Variants in PER3 observed in about 807,000 individuals in gnomAD.
PER3 encodes period circadian regulator 3.
In PER3, 107 loss-of-function variants were observed where a neutral mutation model predicts 127.2. The observed-to-expected ratio is 0.84, with a 90% CI of 0.72 to 0.99. PER3 has a LOEUF of 0.99. Among genes scored for constraint, PER3 ranks in the 50% least tolerant of loss-of-function variants. PER3 has a pLI of 0.00. For synonymous variants in PER3, 618 were observed against 585.8 expected, an observed-to-expected ratio of 1.05 and a Z score of -0.79; for missense variants, 1,560 against 1,525.8, an observed-to-expected ratio of 1.02 and a Z score of -0.37.
intron 14 of PER3, among the ~76,000 whole-genome samples, chr1:7,819,863 T>C (rs769252765): frequency 6.6e-6 from 1 of 152,050 alleles, no homozygotes; most frequent in Non-Finnish European, 1.5e-5. Context: ...AAGACAATTA[T>C]TCTTCTTCCA....
At chr1:7,827,890 C>G (rs2097310568) in intron 18 of PER3, 75 bp downstream of exon 18, 6 of 1,160,160 alleles carry the variant, frequency 5.2e-6, no homozygotes, top group Admixed American at 2.1e-5. Flanking sequence ...TGCGTTGGGA[C>G]TCAGTGCTGA....
intron 3 of PER3, among the ~76,000 whole-genome samples, chr1:7,786,326 A>G (rs2097090556): frequency 6.6e-6 from 1 of 152,232 alleles, no homozygotes; most frequent in Non-Finnish European, 1.5e-5. Flanking sequence ...GAACCATTGT[A>G]AACACTTTTT....
At chr1:7,838,712 C>T (rs1423756045) in intron 21 of PER3, among the ~76,000 whole-genome samples, 2 of 152,204 alleles carry the variant, frequency 1.3e-5, no homozygotes, top group Non-Finnish European at 2.9e-5. Flanking sequence ...CTCTGCACAC[C>T]TCATATGAGT....
intron 5 of PER3, among the ~76,000 whole-genome samples, chr1:7,793,213 G>A (rs547151236): frequency 9.9e-5 from 15 of 152,138 alleles, no homozygotes; most frequent in Non-Finnish European, 1.8e-4. Flanking sequence ...AGATATTCAG[G>A]AAGCTCTAAT....
intron 13 of PER3, among the ~76,000 whole-genome samples, chr1:7,811,094 G>A (rs1429410009): frequency 6.6e-6 from 1 of 152,158 alleles, no homozygotes; most frequent in Non-Finnish European, 1.5e-5. Flanking sequence ...AGTAAAACTG[G>A]CATCATATTG....
intron 6 of PER3, among the ~76,000 whole-genome samples, chr1:7,794,667 A>G (rs2097137053): frequency 6.6e-6 from 1 of 152,024 alleles, no homozygotes; most frequent in South Asian, 2.1e-4. Flanking sequence ...TAATTTTTGA[A>G]ATTTTTAATA....
At position 7,829,826 on chromosome 1, in the gene PER3, C is replaced by A. The variant is rs373502305; in HGVS notation, c.2887-8C>A. ...TAAAGTGTCTTTTCATGTGCCCTTA[C>A]TTTCTAGCAGTGTGTTACAGGCAAC... On this transcript the variant is annotated splice_region_variant and splice_polypyrimidine_tract_variant and intron_variant, in intron 18 of 21. Transcript: ENST00000377532. 39 of 1,605,784 alleles carry A rather than the reference C, an allele frequency of 2.4e-5. No homozygotes were observed. The highest frequency in any genetic ancestry group is 3.1e-5 in the Non-Finnish European group (36 of 1,172,836).
chr1:7,834,603 G>A (rs982934551), intron 19 of PER3, among the ~76,000 whole-genome samples: 5 of 152,014 alleles, frequency 3.3e-5, no homozygotes, highest in Non-Finnish European at 5.9e-5. Flanking sequence ...CTACAGGCAT[G>A]TACCACCACA....
At chr1:7,840,335 A>AT (rs35097424) in intron 21 of PER3, among the ~76,000 whole-genome samples, 12,250 of 143,646 alleles carry the variant, frequency 0.085, 565 homozygotes, top group Middle Eastern at 0.21. Flanking sequence ...TCTTTTTTCT[A>AT]TTTTTTTTTT....
rs768868333 is a variant in PER3 at position 7,826,492 on chromosome 1, C to T, written c.1970C>T (p.Thr657Ile). 2.5e-6 allele frequency: 4 copies of T among 1,606,666 alleles called. No individual in the cohort carries two copies. The East Asian group carries it at 8.9e-5, about 36-fold the overall frequency. Residue 657 changes from threonine (T) to isoleucine (I), a missense_variant, in exon 17 of 22, where the codon ACC becomes ATC. Thr to Ile is a moderately conservative substitution (Grantham distance 89). Coordinates refer to ENST00000377532, the MANE Select transcript of PER3 (RefSeq NM_001377275.1). This position sits in a 1 kb window ranked among gnomAD's most constrained non-coding sequence, Gnocchi z 4.2. ...TCTTCCACCTCAGCCAGGGATGCTA[C>T]CCTCTTCTGTGAGCCCTGGACCCTG... Reference protein sequence around the residue: ...VPPPETARDATLFCEPWTLNM... With the variant: ...VPPPETARDAILFCEPWTLNM...
chr1:7,826,002 G>A lies in PER3; in HGVS notation c.1958-478G>A, dbSNP rs1431248985. Among the ~76,000 whole-genome samples, 2 of 152,038 alleles carry A rather than the reference G, an allele frequency of 1.3e-5. No homozygotes were observed. Among genetic ancestry groups the A allele is most frequent in the Admixed American group, 6.6e-5 (1 of 15,256 alleles). On this transcript the variant is annotated intron_variant, in intron 16 of 21. Coordinates refer to ENST00000377532, the MANE Select transcript of PER3 (RefSeq NM_001377275.1). The surrounding 1 kb of genome is among the most constrained non-coding windows in gnomAD (Gnocchi z 4.2). The stretch of plus-strand genomic sequence containing the variant: ...GCAGAATCGCTTGAACCTGGGAGGC[G>A]GAGGTTGCAGTGAGCCATGACGGCG...
In PER3 at chr1:7,826,384, A is replaced by G; in HGVS notation, c.1958-96A>G. The G allele has an allele frequency of 1.4e-6, 1 of 705,166 alleles. No homozygotes were observed. The highest frequency in any genetic ancestry group is 1.7e-5 in the South Asian group (1 of 58,510). 43.7% of individuals were successfully genotyped at this position (705,166 alleles called of 1,614,324 possible). ...TTTTCGTATTCCAGCAGTTATAATA[A>G]TGTTTGTAAAAATGTATCAAAAGGC... On this transcript the variant is annotated intron_variant, in intron 16 of 21. Coordinates refer to ENST00000377532, the MANE Select transcript of PER3 (RefSeq NM_001377275.1). The surrounding 1 kb of genome is among the most constrained non-coding windows in gnomAD (Gnocchi z 4.2).
chr1:7,834,839 AGTTTT>A (rs1027762073), intron 19 of PER3, among the ~76,000 whole-genome samples: 5 of 152,112 alleles, frequency 3.3e-5, no homozygotes, highest in Admixed American at 6.6e-5. Context: ...TTAAACAAAT[AGTTTT>A]GTTTTGTGTT....
chr1:7,787,500 T>A (rs1269504619), intron 4 of PER3: 2 of 432,358 alleles, frequency 4.6e-6, no homozygotes, highest in East Asian at 6.6e-5. Context: ...TGGAGATTTT[T>A]AAAAATAGCT....
chr1:7,830,805 G>A (rs2097328259), intron 19 of PER3, among the ~76,000 whole-genome samples: 1 of 152,126 alleles, frequency 6.6e-6, no homozygotes, highest in Admixed American at 6.5e-5. Flanking sequence ...TGTATTTCTG[G>A]ACTCTCTTTT....
chr1:7,809,883 G>T lies in PER3; in HGVS notation c.1243-10G>T, dbSNP rs1420361058. 3.1e-6 allele frequency: 5 copies of T among 1,612,966 alleles called. No individual in the cohort carries two copies. The East Asian group carries it at 6.7e-5, about 22-fold the overall frequency. On this transcript the variant is annotated splice_polypyrimidine_tract_variant and intron_variant, in intron 11 of 21. Coordinates refer to ENST00000377532, the MANE Select transcript of PER3 (RefSeq NM_001377275.1). ...AGCAATTCTGGACTTGTTCCTCTTT[G>T]TCCTTCCAGCCAGTTCACGTGAGCG...
At chr1:7,812,494 G>A (rs1037129095) in intron 13 of PER3, among the ~76,000 whole-genome samples, 5 of 151,560 alleles carry the variant, frequency 3.3e-5, no homozygotes, top group South Asian at 2.1e-4. Flanking sequence ...GCGTGGTGGT[G>A]GGCGCCTCTA....
chr1:7,817,446 A>G (rs2097256608), intron 13 of PER3, among the ~76,000 whole-genome samples: 1 of 152,236 alleles, frequency 6.6e-6, no homozygotes. Flanking sequence ...TCCTAGGGCT[A>G]AATACAAAAT....
At chr1:7,822,329 C>T (rs1006849663) in intron 16 of PER3, among the ~76,000 whole-genome samples, 1 of 151,660 alleles carries the variant, frequency 6.6e-6, no homozygotes, top group Admixed American at 6.6e-5. Context: ...GATCTCAGCT[C>T]ACTACAGCCT....
Sources: gnomAD v4.1 joint callset for allele counts (sites outside exome capture counted in the v4.1 genomes callset) on GRCh38, gnomAD v4.1.1 for gene constraint, Gnocchi (gnomAD v3.1) non-coding constraint, MANE v1.5 for transcripts, NCBI Gene and HGNC (gene_info 2026-07-23, HGNC 2026-07-21) for gene names.